Variants in LYG1 observed in about 807,000 individuals in gnomAD.
LYG1 encodes the protein lysozyme g1, also known as lysozyme g-like protein 1.
In LYG1, 17 loss-of-function variants were observed where a neutral mutation model predicts 21.7. The observed-to-expected ratio is 0.78, with a 90% confidence interval of 0.54 to 1.18. The LOEUF is 1.18. LYG1 is among the 50% of genes most tolerant of loss of function. The pLI is 0.00. For missense variants in LYG1, 211 were observed against 238.1 expected, an observed-to-expected ratio of 0.89 and a Z score of 0.75; for synonymous variants, 81 against 87.4, an observed-to-expected ratio of 0.93 and a Z score of 0.41.
At chr2:99,294,697 G>A (rs1215375312) in intron 3 of LYG1, among the ~76,000 whole-genome samples, 1 of 152,114 alleles carries the variant, frequency 6.6e-6, no homozygotes, top group Non-Finnish European at 1.5e-5. Flanking sequence ...TTAAATATTT[G>A]TTGAATGAAT....
rs140684066 is a variant in LYG1 at position 99,300,053 on chromosome 2, T to C, written c.-124+997A>G. ...TAGCAATGTAGTCACAAATATAAAA[T>C]AATATAAAATTATTCTGCCACTAAG... On this transcript the variant is annotated intron_variant, in intron 1 of 6. Transcript: ENST00000308528. 7.0e-4 allele frequency among the ~76,000 whole-genome samples: 106 copies of C among 150,824 alleles called. 1 individual carries two copies. Among genetic ancestry groups the C allele is most frequent in the African/African-American group, 2.4e-3 (100 of 41,138 alleles).
intron 5 of LYG1, among the ~76,000 whole-genome samples, chr2:99,287,988 T>A (rs527344707): frequency 1.6e-3 from 237 of 152,306 alleles, no homozygotes; most frequent in Non-Finnish European, 2.6e-3. Context: ...GTGTTCTTAT[T>A]ACATGTGTTA....
chr2:99,303,676 G>A (rs1559227117), upstream of LYG1, among the ~76,000 whole-genome samples: 1 of 152,238 alleles, frequency 6.6e-6, no homozygotes, highest in East Asian at 1.9e-4. Context: ...CAGAAGACCA[G>A]AAGAGAGATG....
At chr2:99,297,578 C>A (rs963944084) in intron 2 of LYG1, among the ~76,000 whole-genome samples, 2 of 152,194 alleles carry the variant, frequency 1.3e-5, no homozygotes, top group Non-Finnish European at 2.9e-5. Flanking sequence ...TGAGAAGTCA[C>A]TTTAATGAAA....
At chr2:99,299,132 G>C (rs2094146285) in intron 1 of LYG1, among the ~76,000 whole-genome samples, 1 of 151,766 alleles carries the variant, frequency 6.6e-6, no homozygotes, top group Non-Finnish European at 1.5e-5. Flanking sequence ...TCACCATGTT[G>C]GCCAGGCTGG....
intron 5 of LYG1, 98 bp from the exon 6 acceptor site, chr2:99,284,918 T>C (rs901456347): frequency 6.8e-7 from 1 of 1,481,006 alleles, no homozygotes; most frequent in Non-Finnish European, 9.2e-7. Flanking sequence ...CTGTCTCTTG[T>C]TCTCCTTTCA....
At chr2:99,301,414 AGAGT>A (rs1197004533), upstream of LYG1, among the ~76,000 whole-genome samples, 6 of 146,870 alleles carry the variant, frequency 4.1e-5, no homozygotes, top group Non-Finnish European at 9.0e-5. Context: ...AAAGAGAGAG[AGAGT>A]GAGAAGGAGA....
chr2:99,292,472 G>A lies in LYG1; in HGVS notation c.148+64C>T. ...CCGGAACTCTTTCCAACACTCAGTA[G>A]CGTGAGGCATGGGAAACAGTGAAAG... is the stretch of plus-strand genomic sequence containing the variant. On this transcript the variant is annotated intron_variant, in intron 4 of 6. Coordinates refer to ENST00000308528, the MANE Select transcript of LYG1 (RefSeq NM_174898.3). The A allele has an allele frequency of 1.6e-5, 20 of 1,212,728 alleles. No homozygotes were observed. The South Asian group carries it at 2.4e-4, about 15-fold the overall frequency. The allele number at this position is 1,212,728 out of a possible 1,614,324, so 75.1% of individuals were successfully genotyped here. A position where few individuals can be genotyped will look rare whatever the true frequency, so the allele number is the denominator to read the frequency against.
chr2:99,285,306 G>C (rs2094095704), intron 5 of LYG1, among the ~76,000 whole-genome samples: 1 of 152,024 alleles, frequency 6.6e-6, no homozygotes, highest in Non-Finnish European at 1.5e-5. Context: ...AATTGAGCCT[G>C]GGAGGCAGAG....
At chr2:99,284,562 C>G (rs1471670011) in intron 6 of LYG1, 51 bp from the exon 7 acceptor site, 1 of 1,598,180 alleles carries the variant, frequency 6.3e-7, no homozygotes. Context: ...CAGCAGTTAA[C>G]TCTGATTCTC....
upstream of LYG1, among the ~76,000 whole-genome samples, chr2:99,301,436 T>G (rs1415421723): frequency 5.7e-4 from 61 of 107,384 alleles, no homozygotes; most frequent in Admixed American, 9.8e-4. Flanking sequence ...AGAGAGAGAG[T>G]GAGAAGGGGA....
chr2:99,295,214 A>G (rs2094133033), intron 3 of LYG1, among the ~76,000 whole-genome samples: 1 of 152,258 alleles, frequency 6.6e-6, no homozygotes, highest in Non-Finnish European at 1.5e-5. Context: ...TGATTAGCTT[A>G]GTCATGTGTA....
chr2:99,291,096 C>T lies in LYG1; in HGVS notation c.333+141G>A, dbSNP rs951869023. Reference sequence around the variant, plus strand: ...GAAACAGAAATGTTGCTGCTCATATCTCTCAGGCAGAACTGTCACTGTCAC... The same window carrying T: ...GAAACAGAAATGTTGCTGCTCATATTTCTCAGGCAGAACTGTCACTGTCAC... On this transcript the variant is annotated intron_variant, in intron 5 of 6. Transcript: ENST00000308528. 4 of 708,060 alleles carry T rather than the reference C, an allele frequency of 5.6e-6. No individual in the cohort carries two copies. In the East Asian group the frequency reaches 1.1e-4, roughly 19 times the overall value. The allele number at this position is 708,060 out of a possible 1,614,324, so 43.9% of individuals were successfully genotyped here. A position where few individuals can be genotyped will look rare whatever the true frequency, so the allele number is the denominator to read the frequency against.
At chr2:99,291,104 C>A in intron 5 of LYG1, 133 bp downstream of exon 5, 1 of 764,262 alleles carries the variant, frequency 1.3e-6, no homozygotes, top group East Asian at 2.7e-5. Flanking sequence ...ATCTCTCAGG[C>A]AGAACTGTCA....
At chr2:99,296,270 C>A (rs2094136163) in intron 2 of LYG1, among the ~76,000 whole-genome samples, 1 of 152,094 alleles carries the variant, frequency 6.6e-6, no homozygotes, top group African/African-American at 2.4e-5. Flanking sequence ...GCCATGTTCC[C>A]CATTCCCCCT....
chr2:99,289,644 C>T (rs1443310006), intron 5 of LYG1, among the ~76,000 whole-genome samples: 3 of 152,084 alleles, frequency 2.0e-5, no homozygotes, highest in Non-Finnish European at 4.4e-5. Context: ...CAGTGTGATG[C>T]CCTCCTTCAA....
chr2:99,299,581 C>A (rs1470354667), intron 1 of LYG1, among the ~76,000 whole-genome samples: 1 of 151,558 alleles, frequency 6.6e-6, no homozygotes, highest in Non-Finnish European at 1.5e-5. Context: ...TGTGCCACCA[C>A]GCCCAGCTAA....
chr2:99,292,546 C>G lies in LYG1; in HGVS notation c.138G>C (p.Leu46=), dbSNP rs780306700. 2 of 1,613,446 alleles carry G rather than the reference C, an allele frequency of 1.2e-6. No individual in the cohort carries two copies. Among genetic ancestry groups the G allele is most frequent in the South Asian group, 1.1e-5 (1 of 91,074 alleles). Residue 46 remains leucine (L), a synonymous_variant, in exon 4 of 7, where the codon CTG becomes CTC. Transcript: ENST00000308528. ...AAAGCTCATAGCTACCACAGTAGTT[C>G]AGGCCGTGACGTCTTCCAATCCCAC... ...ASCGIGRRHG[L]NYCGVRASER...
chr2:99,297,133 G>A lies in LYG1; in HGVS notation c.-33+1326C>T, dbSNP rs17022520. ...TCTACAACATTGAGATGGTCTGTCC[G>A]ATTTTGCTTAGTTGAGCACAAAATG... On this transcript the variant is annotated intron_variant, in intron 2 of 6. Coordinates refer to ENST00000308528, the MANE Select transcript of LYG1 (RefSeq NM_174898.3). Among the ~76,000 whole-genome samples the A allele has an allele frequency of 3.4e-3, 522 of 152,296 alleles. 3 individuals are homozygous for A. The highest frequency in any genetic ancestry group is 0.012 in the African/African-American group (496 of 41,556).
Sources: gnomAD v4.1 joint callset for allele counts (sites outside exome capture counted in the v4.1 genomes callset) on GRCh38, gnomAD v4.1.1 for gene constraint, MANE v1.5 for transcripts, NCBI Gene and HGNC (gene_info 2026-07-23, HGNC 2026-07-21) for gene names.